The following FSHR variants were observed in gnomAD, a reference collection of about 807,000 sequenced individuals.
FSHR encodes follicle-stimulating hormone receptor.
Under a neutral mutation model 52.1 loss-of-function variants are expected in FSHR, and 46 were observed. The ratio of observed to expected loss-of-function variants is 0.88; its 90% CI spans 0.70 to 1.13. The LOEUF is 1.13. FSHR is among the 50% of genes most tolerant of loss of function. FSHR has a pLI of 0.00. For missense variants in FSHR, 964 were observed against 834.6 expected, an observed-to-expected ratio of 1.16 and a Z score of -1.91; for synonymous variants, 399 against 309.6, an observed-to-expected ratio of 1.29 and a Z score of -3.03.
chr2:49,006,636 G>T (rs552322831), intron 4 of FSHR, among the ~76,000 whole-genome samples: 2 of 152,138 alleles, frequency 1.3e-5, no homozygotes, highest in East Asian at 3.9e-4. Context: ...CCCACAACAA[G>T]CTTTCCCTGA....
chr2:49,014,677 A>C (rs1420668311), intron 4 of FSHR: 1 of 254,190 alleles, frequency 3.9e-6, no homozygotes, highest in Non-Finnish European at 7.8e-6. Flanking sequence ...TTTTGCAATG[A>C]TTCCTCATTT....
intron 8 of FSHR, among the ~76,000 whole-genome samples, chr2:48,978,367 T>C (rs141716444): frequency 7.4e-4 from 112 of 152,352 alleles, no homozygotes; most frequent in African/African-American, 2.7e-3. Context: ...CTCTCTTTCA[T>C]GATCCCAGGC....
chr2:49,021,175 C>T (rs115452668), intron 2 of FSHR, among the ~76,000 whole-genome samples: 2,075 of 152,298 alleles, frequency 0.014, 19 homozygotes, highest in African/African-American at 0.017. Context: ...GAGGTTGTTG[C>T]AAGGCCATTG....
At chr2:49,136,878 C>T (rs986440939) in intron 1 of FSHR, among the ~76,000 whole-genome samples, 1 of 151,972 alleles carries the variant, frequency 6.6e-6, no homozygotes, top group Non-Finnish European at 1.5e-5. Context: ...GATAAAAAGT[C>T]ATCAATGAAA....
intron 1 of FSHR, among the ~76,000 whole-genome samples, chr2:49,087,305 G>C (rs72879830): frequency 0.038 from 5,759 of 152,066 alleles, 345 homozygotes; most frequent in African/African-American, 0.13. Flanking sequence ...AATGAGGGTA[G>C]TGTATATAAC....
intron 2 of FSHR, among the ~76,000 whole-genome samples, chr2:49,027,713 G>A (rs1462235991): frequency 6.6e-6 from 1 of 152,156 alleles, no homozygotes; most frequent in Non-Finnish European, 1.5e-5. Context: ...AGACAGGTTT[G>A]GTGGCACATG....
chr2:49,069,139 G>A (rs1572702846), intron 1 of FSHR, among the ~76,000 whole-genome samples: 1 of 152,022 alleles, frequency 6.6e-6, no homozygotes, highest in East Asian at 1.9e-4. Context: ...TGTTTACAAA[G>A]GCCTTCAGTG....
At chr2:49,099,792 G>C (rs1490783456) in intron 1 of FSHR, among the ~76,000 whole-genome samples, 2 of 152,106 alleles carry the variant, frequency 1.3e-5, no homozygotes, top group Non-Finnish European at 2.9e-5. Context: ...GCATGGAACT[G>C]TTGTTCCCTT....
At chr2:49,147,034 A>G (rs1327500346) in intron 1 of FSHR, among the ~76,000 whole-genome samples, 1 of 152,056 alleles carries the variant, frequency 6.6e-6, no homozygotes, top group East Asian at 1.9e-4. Flanking sequence ...ATTGAATTCA[A>G]GTGCATAGCA....
intron 2 of FSHR, among the ~76,000 whole-genome samples, chr2:49,038,109 G>C (rs1668336795): frequency 6.6e-6 from 1 of 152,118 alleles, no homozygotes; most frequent in Admixed American, 6.5e-5. Flanking sequence ...AGTCAGCTCA[G>C]ATTTATGAGT....
At chr2:49,002,307 C>G (rs1666924322) in intron 4 of FSHR, among the ~76,000 whole-genome samples, 1 of 152,124 alleles carries the variant, frequency 6.6e-6, no homozygotes, top group South Asian at 2.1e-4. Context: ...TCATCTTGCC[C>G]CTTCCTTCCT....
chr2:49,100,607 C>T (rs779885260), intron 1 of FSHR, among the ~76,000 whole-genome samples: 2 of 152,112 alleles, frequency 1.3e-5, no homozygotes, highest in Non-Finnish European at 2.9e-5. Flanking sequence ...ATCCTGTGGT[C>T]GTGAAGATGG....
At chr2:49,010,871 G>A (rs1279308481) in intron 4 of FSHR, among the ~76,000 whole-genome samples, 4 of 152,060 alleles carry the variant, frequency 2.6e-5, no homozygotes, top group African/African-American at 9.7e-5. Flanking sequence ...GATCGGTGGT[G>A]ATATCCCCTT....
chr2:49,038,804 C>T (rs138523435), intron 2 of FSHR, among the ~76,000 whole-genome samples: 1 of 151,772 alleles, frequency 6.6e-6, no homozygotes, highest in East Asian at 1.9e-4. Context: ...CAAAGTGACA[C>T]TGATTAATTT....
intron 8 of FSHR, among the ~76,000 whole-genome samples, chr2:48,971,948 T>G (rs945494599): frequency 6.6e-6 from 1 of 152,202 alleles, no homozygotes; most frequent in Non-Finnish European, 1.5e-5. Flanking sequence ...CAATCTTCAC[T>G]TACTCTGCAG....
intron 1 of FSHR, among the ~76,000 whole-genome samples, chr2:49,091,289 G>T (rs778855985): frequency 2.0e-5 from 3 of 151,922 alleles, no homozygotes; most frequent in African/African-American, 4.8e-5. Flanking sequence ...TTTGTGTACG[G>T]TATGAGGTTT....
intron 1 of FSHR, among the ~76,000 whole-genome samples, chr2:49,107,130 C>T (rs1377873458): frequency 1.3e-5 from 2 of 152,154 alleles, no homozygotes; most frequent in Non-Finnish European, 2.9e-5. Flanking sequence ...CCTGTATGAT[C>T]TGGCTCCTGC....
chr2:49,085,894 C>T (rs1572723853), intron 1 of FSHR, among the ~76,000 whole-genome samples: 2 of 146,924 alleles, frequency 1.4e-5, no homozygotes, highest in African/African-American at 2.5e-5. Flanking sequence ...TGTTCTCGCT[C>T]ATAGGTGGGA....
chr2:48,987,633 C>T (rs1394919402), intron 6 of FSHR, among the ~76,000 whole-genome samples: 1 of 152,152 alleles, frequency 6.6e-6, no homozygotes, highest in African/African-American at 2.4e-5. Context: ...ATTTTAAAAA[C>T]AACCTCTTTT....
Sources: gnomAD v4.1 joint callset for allele counts (sites outside exome capture counted in the v4.1 genomes callset) on GRCh38, gnomAD v4.1.1 for gene constraint, MANE v1.5 for transcripts, NCBI Gene and HGNC (gene_info 2026-07-23, HGNC 2026-07-21) for gene names.